The following SPTLC1 variants were observed in gnomAD, a reference collection of about 807,000 sequenced individuals.
SPTLC1 encodes serine palmitoyltransferase 1.
In SPTLC1, 55 loss-of-function variants were observed where a neutral mutation model predicts 68.9. The observed-to-expected ratio is 0.80, with a 90% CI of 0.64 to 1.00. The LOEUF (loss-of-function observed/expected upper bound fraction) is 1.00, where lower values mean the gene tolerates loss of function less well. SPTLC1 is among the 50% of genes least tolerant of loss of function. The probability of loss-of-function intolerance (pLI) is 0.00; values close to 1 mark genes in which losing one functional copy is unlikely to be tolerated. For missense variants in SPTLC1, 449 were observed against 573.1 expected (o/e 0.78, Z 2.21); for synonymous variants, 197 against 201.6 (o/e 0.98, Z 0.19).
chr9:92,100,524 G>A (rs953727786), intron 3 of SPTLC1, among the ~76,000 whole-genome samples: 2 of 152,206 alleles, frequency 1.3e-5, no homozygotes, highest in East Asian at 1.9e-4. Context: ...ACTGTGGACC[G>A]ATTACTGATT....
chr9:92,061,879 T>C (rs1834118078), intron 6 of SPTLC1, among the ~76,000 whole-genome samples: 1 of 152,056 alleles, frequency 6.6e-6, no homozygotes, highest in Non-Finnish European at 1.5e-5. Context: ...CATGTTCAAT[T>C]AGCCCACAGA....
At chr9:92,109,771 G>A (rs138964859) in intron 2 of SPTLC1, 7,679 of 152,312 alleles carry the variant, frequency 0.05, 511 homozygotes, top group East Asian at 0.27. Flanking sequence ...TCGGGAGTTC[G>A]AGACCAGCCT....
intron 9 of SPTLC1, among the ~76,000 whole-genome samples, chr9:92,049,244 G>C (rs1240147183): frequency 6.6e-6 from 1 of 152,196 alleles, no homozygotes; most frequent in Non-Finnish European, 1.5e-5. Context: ...CTGTAACACA[G>C]GTTGCACAGC....
intron 12 of SPTLC1, 130 bp from the exon 13 acceptor site, chr9:92,038,495 G>C: frequency 1.3e-6 from 1 of 751,562 alleles, no homozygotes; most frequent in Non-Finnish European, 2.4e-6. Context: ...CTGATGGGAA[G>C]CATCATTCCA....
intron 5 of SPTLC1, chr9:92,079,549 T>C: frequency 1.2e-6 from 2 of 1,613,738 alleles, no homozygotes; most frequent in Non-Finnish European, 1.7e-6. Flanking sequence ...AGGAAATCAA[T>C]GATCCTTCAT....
chr9:92,101,980 C>T (rs1241424646), intron 3 of SPTLC1, among the ~76,000 whole-genome samples: 1 of 152,054 alleles, frequency 6.6e-6, no homozygotes, highest in Non-Finnish European at 1.5e-5. Context: ...TTTTCTAAGG[C>T]ACATTATAAT....
In SPTLC1 at chr9:92,087,930, C is replaced by T. The variant is rs538602381; in HGVS notation, c.261-6967G>A. On this transcript the variant is annotated intron_variant, in intron 3 of 14. Coordinates refer to ENST00000262554, the MANE Select transcript of SPTLC1 (RefSeq NM_006415.4). ...CGAGCTTCCCGGCTGCTTTGTTTAC[C>T]TAAGCAAGCCTGGGCAATGGCGGGC... Among the ~76,000 whole-genome samples, 3 of 152,376 alleles carry T rather than the reference C, an allele frequency of 2.0e-5. No individual in the cohort carries two copies. In the South Asian group the frequency reaches 6.2e-4, roughly 32 times the overall value.
chr9:92,055,418 G>A lies in SPTLC1; in HGVS notation c.767C>T (p.Pro256Leu), dbSNP rs1833853249. The change falls in exon 8 of 15, where the codon CCT becomes CTT. Residue 256 changes from proline to leucine, a missense_variant. Around this residue, in one of 3 missense-constraint regions of SPTLC1, gnomAD observed 391 missense variants for 472.1 expected, o/e 0.83. Coordinates refer to ENST00000262554, the MANE Select transcript of SPTLC1 (RefSeq NM_006415.4). ...ATGGTTGCTTACCAATTCTGGAAGAGGACAAATAGTTCCAGTATTCATATA... is the reference window on the plus strand; with the variant it reads ...ATGGTTGCTTACCAATTCTGGAAGAAGACAAATAGTTCCAGTATTCATATA... Reference protein sequence around the residue: ...GLYMNTGTICPLPELVKLKYK... With the variant: ...GLYMNTGTICLLPELVKLKYK... The A allele has an allele frequency of 3.1e-6, 5 of 1,613,596 alleles. No homozygotes were observed. Among genetic ancestry groups the A allele is most frequent in the Non-Finnish European group, 4.2e-6 (5 of 1,179,880 alleles).
intron 7 of SPTLC1, among the ~76,000 whole-genome samples, chr9:92,056,559 C>T (rs558996946): frequency 6.6e-5 from 10 of 152,232 alleles, no homozygotes; most frequent in African/African-American, 2.4e-4. Flanking sequence ...CCTTCACACA[C>T]TCTGCTCAGA....
At chr9:92,047,407 A>G (rs1833554270) in intron 10 of SPTLC1, 139 bp from the exon 11 acceptor site, 1 of 790,420 alleles carries the variant, frequency 1.3e-6, no homozygotes, top group African/African-American at 1.7e-5. Context: ...ATAAATAAAC[A>G]TTATACGTGT....
intron 5 of SPTLC1, among the ~76,000 whole-genome samples, chr9:92,078,126 CCAAA>C (rs758994560): frequency 6.6e-5 from 10 of 152,110 alleles, no homozygotes; most frequent in Non-Finnish European, 1.0e-4. Context: ...CTTTACCCTC[CCAAA>C]CAACTTCTTT....
chr9:92,034,858 G>A lies in SPTLC1; in HGVS notation c.1280C>T (p.Thr427Ile). 6.2e-7 allele frequency: 1 copy of A among 1,614,174 alleles called. No homozygotes were observed. Among genetic ancestry groups the A allele is most frequent in the Non-Finnish European group, 8.5e-7 (1 of 1,180,014 alleles). ...DQCMNRSIAL[T>I]QARYLEKEEK... ...TTCTTTCTCCAAGTAGCGCGCCTGA[G>A]TTAATGCAATACTTCTGTTCATGCA... The change falls in exon 14 of 15, where the codon ACT (threonine) becomes ATT (isoleucine). Residue 427 changes from threonine to isoleucine, a missense_variant. Coordinates refer to ENST00000262554, the MANE Select transcript of SPTLC1 (RefSeq NM_006415.4).
At chr9:92,085,514 A>G (rs1372305903) in intron 3 of SPTLC1, among the ~76,000 whole-genome samples, 1 of 151,362 alleles carries the variant, frequency 6.6e-6, no homozygotes, top group African/African-American at 2.4e-5. Flanking sequence ...GTAGTCATTC[A>G]GGAGCAGGTT....
chr9:92,084,457 T>C lies in SPTLC1; in HGVS notation c.261-3494A>G, dbSNP rs556531266. On this transcript the variant is annotated intron_variant, in intron 3 of 14. Coordinates refer to ENST00000262554, the MANE Select transcript of SPTLC1 (RefSeq NM_006415.4). Reference sequence around the variant, plus strand: ...TTGAGAGTTTTCAGCATGAAGGTTGTTGAATTTTGTCAAAGGCCTTTTCTG... The same window carrying C: ...TTGAGAGTTTTCAGCATGAAGGTTGCTGAATTTTGTCAAAGGCCTTTTCTG... 1.2e-4 allele frequency among the ~76,000 whole-genome samples: 18 copies of C among 152,380 alleles called. No homozygotes were observed. The East Asian group carries it at 2.5e-3, about 21-fold the overall frequency.
At chr9:92,033,269 C>T (rs1285507471) in intron 14 of SPTLC1, among the ~76,000 whole-genome samples, 1 of 152,190 alleles carries the variant, frequency 6.6e-6, no homozygotes, top group Non-Finnish European at 1.5e-5. Flanking sequence ...AAATCAACGA[C>T]AGTTTGATTG....
chr9:92,103,055 C>T (rs1320792075), intron 3 of SPTLC1, among the ~76,000 whole-genome samples: 4 of 152,280 alleles, frequency 2.6e-5, no homozygotes, highest in East Asian at 1.9e-4. Flanking sequence ...ACTATGAACT[C>T]GTAAATAATG....
intron 5 of SPTLC1, among the ~76,000 whole-genome samples, chr9:92,069,512 T>A (rs925372333): frequency 1.3e-5 from 2 of 152,126 alleles, no homozygotes; most frequent in Non-Finnish European, 2.9e-5. Context: ...GACACTACGA[T>A]CACATGAAAT....
chr9:92,095,771 T>C (rs937974786), intron 3 of SPTLC1, among the ~76,000 whole-genome samples: 1 of 151,954 alleles, frequency 6.6e-6, no homozygotes, highest in African/African-American at 2.4e-5. Flanking sequence ...ATGGATAAGT[T>C]GTATTTGATA....
intron 12 of SPTLC1, among the ~76,000 whole-genome samples, chr9:92,041,436 A>T (rs908193325): frequency 6.6e-6 from 1 of 152,192 alleles, no homozygotes; most frequent in African/African-American, 2.4e-5. Context: ...CACAAAACCA[A>T]ATTTACATAA....
Sources: allele counts gnomAD v4.1 joint callset (sites outside exome capture counted in the v4.1 genomes callset), GRCh38; gene constraint gnomAD v4.1.1; regional missense constraint gnomAD v4.1.1; transcripts MANE v1.5; gene names NCBI Gene and HGNC (gene_info 2026-07-23, HGNC 2026-07-21).